Variants in ZNF30 observed in about 807,000 individuals in gnomAD.
ZNF30 encodes the protein zinc finger protein 30.
ZNF30 carries 15 observed loss-of-function variants against 13.2 expected under a neutral mutation model. The observed-to-expected ratio is 1.13, with a 90% CI of 0.76 to 1.75. ZNF30 has a LOEUF of 1.75. Ranked by LOEUF, ZNF30 falls within the 40% of genes most tolerant of loss-of-function variation. The probability of loss-of-function intolerance (pLI) is 0.00; values close to 1 mark genes in which losing one functional copy is unlikely to be tolerated. For synonymous variants in ZNF30, 223 were observed against 256.6 expected (o/e 0.87, Z 1.25); for missense variants, 726 against 757.0 (o/e 0.96, Z 0.48).
Position 34,943,455 on chromosome 19 carries a change from C to A in ZNF30, c.489C>A (p.Leu163=). 1.2e-6 allele frequency: 2 copies of A among 1,613,806 alleles called. No individual in the cohort carries two copies. Among genetic ancestry groups the A allele is most frequent in the South Asian group, 2.2e-5 (2 of 90,996 alleles). ...AGAACTTTAGTAATGGACATCAACT[C>A]ACCATACATCAGAGATTGCATGTTG... The part of the protein sequence containing the change: ...CGKNFSNGHQ[L]TIHQRLHVGE... Residue 163 remains leucine, a synonymous_variant, in exon 5 of 5, where the codon CTC becomes CTA. Transcript: ENST00000601142.
At chr19:34,926,480 A>C (rs1430423389), upstream of ZNF30, among the ~76,000 whole-genome samples, 1 of 152,212 alleles carries the variant, frequency 6.6e-6, no homozygotes, top group Non-Finnish European at 1.5e-5. Flanking sequence ...ACAAAATTTA[A>C]ATATTTAATA....
chr19:34,929,226 T>C (rs1207090584), intron 1 of ZNF30, among the ~76,000 whole-genome samples: 1 of 152,108 alleles, frequency 6.6e-6, no homozygotes, highest in African/African-American at 2.4e-5. Flanking sequence ...TAGGTTGCCG[T>C]GAGCCAAGAT....
rs759655985 is a variant in ZNF30 at position 34,944,643 on chromosome 19, G to T, written c.1677G>T (p.Gln559His). 1 of 1,614,152 alleles carries T rather than the reference G, an allele frequency of 6.2e-7. No homozygotes were observed. Among genetic ancestry groups the T allele is most frequent in the Non-Finnish European group, 8.5e-7 (1 of 1,179,992 alleles). ...TTTATGGACAACTTATTGGACATCA[G>T]AGTGTTCACACTGGTGAGAAACCTT... Reference protein sequence around the residue: ...FTVYGQLIGHQSVHTGEKPFE... With the variant: ...FTVYGQLIGHHSVHTGEKPFE... The change falls in exon 5 of 5, where the codon CAG (glutamine) becomes CAT (histidine). Residue 559 changes from glutamine to histidine, a missense_variant. Transcript: ENST00000601142.
At chr19:34,934,855 A>G (rs2012638786) in intron 4 of ZNF30, among the ~76,000 whole-genome samples, 1 of 152,174 alleles carries the variant, frequency 6.6e-6, no homozygotes, top group Non-Finnish European at 1.5e-5. Flanking sequence ...GGGTGCAGCA[A>G]ACAACCGTGG....
At chr19:34,941,616 G>GT (rs1235826939) in intron 4 of ZNF30, among the ~76,000 whole-genome samples, 1 of 152,150 alleles carries the variant, frequency 6.6e-6, no homozygotes, top group Non-Finnish European at 1.5e-5. Flanking sequence ...TTTGAATTAA[G>GT]TTATCTAAAG....
At chr19:34,942,373 G>A (rs1226179465) in intron 4 of ZNF30, among the ~76,000 whole-genome samples, 1 of 151,996 alleles carries the variant, frequency 6.6e-6, no homozygotes, top group Admixed American at 6.6e-5. Context: ...CCTGAGCCTG[G>A]GAGGTTGAGG....
intron 1 of ZNF30, 40 bp from the exon 2 acceptor site, chr19:34,929,841 TGAG>T: frequency 9.6e-7 from 1 of 1,045,708 alleles, no homozygotes; most frequent in East Asian, 2.6e-5. Flanking sequence ...TGTATGTCAT[TGAG>T]AACACTAAAG....
chr19:34,944,940 C>A lies in ZNF30; in HGVS notation c.*102C>A, dbSNP rs1207176857. 9.5e-7 allele frequency: 1 copy of A among 1,051,162 alleles called. No homozygotes were observed. The highest frequency in any genetic ancestry group is 1.3e-6 in the Non-Finnish European group (1 of 754,240). 65.1% of individuals were successfully genotyped at this position (1,051,162 alleles called of 1,614,324 possible). A position where few individuals can be genotyped will look rare whatever the true frequency, so the allele number is the denominator to read the frequency against. On this transcript the variant is annotated 3_prime_UTR_variant, in exon 5 of 5. Coordinates refer to ENST00000601142, the MANE Select transcript of ZNF30 (RefSeq NM_194325.3). Reference sequence around the variant, plus strand: ...AACTTTCAAATGTGAAGAATATTGGCAGGTCTATTCTCATCTTATAATTCA... The same window carrying A: ...AACTTTCAAATGTGAAGAATATTGGAAGGTCTATTCTCATCTTATAATTCA...
intron 4 of ZNF30, among the ~76,000 whole-genome samples, chr19:34,942,170 C>T (rs1253239537): frequency 2.6e-5 from 4 of 152,172 alleles, no homozygotes; most frequent in African/African-American, 9.7e-5. Context: ...AGGCCGGACT[C>T]ATTGGCTCAC....
At position 34,944,953 on chromosome 19, in the gene ZNF30, A is replaced by C; in HGVS notation, c.*115A>C. The C allele has an allele frequency of 6.4e-6, 6 of 941,052 alleles. No homozygotes were observed. The highest frequency in any genetic ancestry group is 1.7e-5 in the African/African-American group (1 of 60,606). 58.3% of individuals were successfully genotyped at this position (941,052 alleles called of 1,614,324 possible). On this transcript the variant is annotated 3_prime_UTR_variant, in exon 5 of 5. Coordinates refer to ENST00000601142, the MANE Select transcript of ZNF30 (RefSeq NM_194325.3). ...GAAGAATATTGGCAGGTCTATTCTC[A>C]TCTTATAATTCATAATATAACTCAG... is the stretch of plus-strand genomic sequence containing the variant.
intron 4 of ZNF30, among the ~76,000 whole-genome samples, chr19:34,938,626 C>T (rs1386937122): frequency 5.3e-5 from 8 of 152,132 alleles, no homozygotes; most frequent in Admixed American, 5.2e-4. Context: ...CCAGAAGGTA[C>T]TAAGAATTAA....
At chr19:34,937,682 CTG>C (rs1364937692) in intron 4 of ZNF30, among the ~76,000 whole-genome samples, 2 of 151,594 alleles carry the variant, frequency 1.3e-5, no homozygotes, top group Non-Finnish European at 2.9e-5. Flanking sequence ...TGCAGTGAGT[CTG>C]CGCTCCAGCC....
At chr19:34,941,433 T>G (rs2013044996) in intron 4 of ZNF30, among the ~76,000 whole-genome samples, 1 of 152,124 alleles carries the variant, frequency 6.6e-6, no homozygotes, top group African/African-American at 2.4e-5. Context: ...CCCAGCTAAT[T>G]TTTGTATTTT....
chr19:34,944,959 T>C lies in ZNF30; in HGVS notation c.*121T>C, dbSNP rs2013267564. 1.1e-6 allele frequency: 1 copy of C among 881,084 alleles called. No homozygotes were observed. The highest frequency in any genetic ancestry group is 1.6e-6 in the Non-Finnish European group (1 of 610,302). 54.6% of individuals were successfully genotyped at this position (881,084 alleles called of 1,614,324 possible). A position where few individuals can be genotyped will look rare whatever the true frequency, so the allele number is the denominator to read the frequency against. ...TATTGGCAGGTCTATTCTCATCTTA[T>C]AATTCATAATATAACTCAGAAAACA... On this transcript the variant is annotated 3_prime_UTR_variant, in exon 5 of 5. Coordinates refer to ENST00000601142, the MANE Select transcript of ZNF30 (RefSeq NM_194325.3).
In ZNF30 at chr19:34,931,899, C is replaced by T. The variant is rs1239277622; in HGVS notation, c.66C>T (p.Ala22=). Residue 22 remains alanine (A), a synonymous_variant, in exon 3 of 5, where the codon GCC becomes GCT. Coordinates refer to ENST00000601142, the MANE Select transcript of ZNF30 (RefSeq NM_194325.3). ...GSVTFEDVAI[A]FSQQEWESLD... Reference sequence around the variant, plus strand: ...TGACATTTGAGGATGTGGCCATAGCCTTCTCCCAGCAGGAGTGGGAGAGTC... The same window carrying T: ...TGACATTTGAGGATGTGGCCATAGCTTTCTCCCAGCAGGAGTGGGAGAGTC... 2.5e-6 allele frequency: 4 copies of T among 1,613,442 alleles called. No individual in the cohort carries two copies. In the African/African-American group the frequency reaches 4.0e-5, roughly 16 times the overall value.
At chr19:34,933,540 C>T (rs74413818) in intron 3 of ZNF30, 88 bp from the exon 4 acceptor site, 18,982 of 928,446 alleles carry the variant, frequency 0.02, 263 homozygotes, top group South Asian at 0.037. Context: ...TATCGTTTGA[C>T]CTTTCATTTA....
At chr19:34,939,102 CT>C (rs923948046) in intron 4 of ZNF30, among the ~76,000 whole-genome samples, 5 of 150,050 alleles carry the variant, frequency 3.3e-5, no homozygotes, top group Non-Finnish European at 7.4e-5. Flanking sequence ...CCACATGCAA[CT>C]TACCTATCAG....
At position 34,944,459 on chromosome 19, in the gene ZNF30, A is replaced by G; in HGVS notation, c.1493A>G (p.Tyr498Cys). The change falls in exon 5 of 5, where the codon TAC (tyrosine) becomes TGC (cysteine). Residue 498 changes from tyrosine (Y) to cysteine (C), a missense_variant. Transcript: ENST00000601142. Reference sequence around the variant, plus strand: ...GGAAAGACTTTTAGTCGAGCCTCGTACCTTGTACAACATAGCAGAATCCAT... The same window carrying G: ...GGAAAGACTTTTAGTCGAGCCTCGTGCCTTGTACAACATAGCAGAATCCAT... ...ECGKTFSRAS[Y>C]LVQHSRIHTG... 1 of 1,613,756 alleles carries G rather than the reference A, an allele frequency of 6.2e-7. No individual in the cohort carries two copies. The highest frequency in any genetic ancestry group is 8.5e-7 in the Non-Finnish European group (1 of 1,179,904).
chr19:34,945,010 G>A lies in ZNF30; in HGVS notation c.*172G>A. The A allele has an allele frequency of 1.5e-6, 1 of 654,672 alleles. No individual in the cohort carries two copies. The highest frequency in any genetic ancestry group is 2.4e-6 in the Non-Finnish European group (1 of 419,528). 40.6% of individuals were successfully genotyped at this position (654,672 alleles called of 1,614,324 possible). Reference sequence around the variant, plus strand: ...TAAGAATATTCCTTTGTCATTTATAGGTTTGTAATACCAATATTTATACTG... The same window carrying A: ...TAAGAATATTCCTTTGTCATTTATAAGTTTGTAATACCAATATTTATACTG... On this transcript the variant is annotated 3_prime_UTR_variant, in exon 5 of 5. Transcript: ENST00000601142.
Sources: gnomAD v4.1 joint callset for allele counts (sites outside exome capture counted in the v4.1 genomes callset) on GRCh38, gnomAD v4.1.1 for gene constraint, MANE v1.5 for transcripts, NCBI Gene and HGNC (gene_info 2026-07-23, HGNC 2026-07-21) for gene names.